UGGT1: variants seen among roughly 807,000 people sequenced by gnomAD.
The protein encoded by UGGT1 is UDP-glucose glycoprotein glucosyltransferase 1, also known as UDP-glucose:glycoprotein glucosyltransferase 1.
In UGGT1, 107 loss-of-function variants were observed where a neutral mutation model predicts 203.9. That is an observed-to-expected ratio of 0.52 (90% CI 0.45 to 0.62). UGGT1 has a LOEUF of 0.62. Among genes scored for constraint, UGGT1 ranks in the 20% least tolerant of loss-of-function variants. The probability of loss-of-function intolerance (pLI) is 0.00; values close to 1 mark genes in which losing one functional copy is unlikely to be tolerated. For synonymous variants in UGGT1, 628 were observed against 653.5 expected, an observed-to-expected ratio of 0.96 and a Z score of 0.59; for missense variants, 1,673 against 1,867.2, an observed-to-expected ratio of 0.90 and a Z score of 1.92.
At chr2:128,123,935 A>G (rs1185579619) in intron 11 of UGGT1, among the ~76,000 whole-genome samples, 1 of 152,074 alleles carries the variant, frequency 6.6e-6, no homozygotes, top group African/African-American at 2.4e-5. Flanking sequence ...TGAGAAATCA[A>G]CTTTCTACTT....
At chr2:128,111,966 C>G (rs1687877164) in intron 5 of UGGT1, among the ~76,000 whole-genome samples, 1 of 150,422 alleles carries the variant, frequency 6.6e-6, no homozygotes, top group South Asian at 2.1e-4. Flanking sequence ...TGACAAAACC[C>G]ATGTCTACAA....
In UGGT1 at chr2:128,178,582, G is replaced by A. The variant is rs1558824329; in HGVS notation, c.3815+13G>A. 1.3e-6 allele frequency: 2 copies of A among 1,584,780 alleles called. No homozygotes were observed. Among genetic ancestry groups the A allele is most frequent in the Non-Finnish European group, 1.7e-6 (2 of 1,166,668 alleles). On this transcript the variant is annotated intron_variant, in intron 34 of 40. Transcript: ENST00000259253. ...AAAGATTTCTTCGGTCAGTCTTGTT[G>A]ATTATTTCATTATATATGATGAATG...
intron 3 of UGGT1, 34 bp from the exon 4 acceptor site, chr2:128,107,904 C>T (rs182288463): frequency 1.7e-4 from 275 of 1,613,002 alleles, no homozygotes; most frequent in Non-Finnish European, 1.9e-4. Flanking sequence ...TCTAGTCATA[C>T]GCAATTACTT....
At chr2:128,108,125 T>G in intron 4 of UGGT1, 57 bp downstream of exon 4, 1 of 1,581,340 alleles carries the variant, frequency 6.3e-7, no homozygotes, top group Non-Finnish European at 8.6e-7. Context: ...GATGAATGGA[T>G]GGACCCCAGT....
chr2:128,169,746 C>T (rs1015574193), intron 26 of UGGT1, among the ~76,000 whole-genome samples: 2 of 152,176 alleles, frequency 1.3e-5, no homozygotes, highest in South Asian at 4.1e-4. Context: ...AATCTTTATG[C>T]TACAGTAGTG....
chr2:128,100,730 A>G (rs1406333947), intron 2 of UGGT1, among the ~76,000 whole-genome samples: 2 of 152,102 alleles, frequency 1.3e-5, no homozygotes, highest in Non-Finnish European at 2.9e-5. Context: ...CCTCTGTTTA[A>G]CATTCTTACC....
Position 128,153,990 on chromosome 2 carries a change from G to A in UGGT1, c.2137+1086G>A, listed in dbSNP as rs180670702. Among the ~76,000 whole-genome samples, 98 of 151,978 alleles carry A rather than the reference G, an allele frequency of 6.4e-4. 1 individual carries two copies. The highest frequency in any genetic ancestry group is 1.4e-3 in the Admixed American group (21 of 15,258). The stretch of plus-strand genomic sequence containing the variant: ...TATCAATCTATTTATGGTTGTTAAC[G>A]TAATGCACTATCTCTAATAGACTTG... On this transcript the variant is annotated intron_variant, in intron 19 of 40. Coordinates refer to ENST00000259253, the MANE Select transcript of UGGT1 (RefSeq NM_020120.4).
At chr2:128,123,144 C>T in intron 10 of UGGT1, 42 bp from the exon 11 acceptor site, 1 of 1,485,398 alleles carries the variant, frequency 6.7e-7, no homozygotes, top group Non-Finnish European at 9.2e-7. Flanking sequence ...GACTTTATAT[C>T]AAATATTAAG....
intron 38 of UGGT1, among the ~76,000 whole-genome samples, chr2:128,185,469 C>CTTTTTT (rs766681891): frequency 3.5e-5 from 4 of 113,398 alleles, no homozygotes; most frequent in African/African-American, 4.3e-5. Flanking sequence ...CGTGCCCGGC[C>CTTTTTT]TTTTTTTTTT....
At chr2:128,182,765 C>T (rs562494357) in intron 37 of UGGT1, among the ~76,000 whole-genome samples, 6 of 151,384 alleles carry the variant, frequency 4.0e-5, no homozygotes, top group South Asian at 2.1e-4. Flanking sequence ...CTACTCAGTT[C>T]CTGTTCTCAC....
chr2:128,122,140 A>G (rs1345584960), intron 10 of UGGT1, among the ~76,000 whole-genome samples: 2 of 152,016 alleles, frequency 1.3e-5, no homozygotes, highest in African/African-American at 4.8e-5. Context: ...GGCCTGGCTA[A>G]TTTTTGTATT....
intron 12 of UGGT1, among the ~76,000 whole-genome samples, chr2:128,127,702 T>C (rs1688669290): frequency 6.6e-6 from 1 of 152,172 alleles, no homozygotes; most frequent in Admixed American, 6.5e-5. Context: ...AAGCTATACT[T>C]TTCCACTTAA....
chr2:128,185,972 A>G (rs1573638004), intron 38 of UGGT1, among the ~76,000 whole-genome samples: 1 of 152,094 alleles, frequency 6.6e-6, no homozygotes, highest in African/African-American at 2.4e-5. Context: ...TCTATTTGGG[A>G]GCAAGTCTCA....
chr2:128,185,523 G>A (rs1691933709), intron 38 of UGGT1, among the ~76,000 whole-genome samples: 1 of 147,778 alleles, frequency 6.8e-6, no homozygotes, highest in African/African-American at 2.5e-5. Flanking sequence ...ACCCAGGCTG[G>A]AGTGCAGTGA....
At chr2:128,171,971 C>T (rs1161785385) in intron 28 of UGGT1, among the ~76,000 whole-genome samples, 1 of 152,204 alleles carries the variant, frequency 6.6e-6, no homozygotes, top group Non-Finnish European at 1.5e-5. Context: ...AAATTTCTAA[C>T]TTGCCAGTGT....
Position 128,105,726 on chromosome 2 carries a change from G to A in UGGT1, c.277+1712G>A, listed in dbSNP as rs138072319. ...GACGGGGTTTCGCCATGCTGGCCACGCTGGTCTCAAACTCCTGACCTCAGG... is the reference window on the plus strand; with the variant it reads ...GACGGGGTTTCGCCATGCTGGCCACACTGGTCTCAAACTCCTGACCTCAGG... On this transcript the variant is annotated intron_variant, in intron 3 of 40. Coordinates refer to ENST00000259253, the MANE Select transcript of UGGT1 (RefSeq NM_020120.4). Among the ~76,000 whole-genome samples the A allele has an allele frequency of 5.5e-3, 838 of 152,086 alleles. 8 individuals carry two copies. The highest frequency in any genetic ancestry group is 0.019 in the African/African-American group (794 of 41,486).
rs1384502169 is a variant in UGGT1, at chr2:128,192,478, TTATTTA to T, written c.*2740_*2745del. The T allele has an allele frequency of 6.6e-6, 1 of 152,240 alleles. No individual in the cohort carries two copies. Among genetic ancestry groups the T allele is most frequent in the African/African-American group, 2.4e-5 (1 of 41,464 alleles). The allele number at this position is 152,240 out of a possible 1,614,324, so 9.4% of individuals were successfully genotyped here. A position where few individuals can be genotyped will look rare whatever the true frequency, so the allele number is the denominator to read the frequency against. ...GTTCACAGTATGTTGTTCTTAGCTG[TTATTTA>T]TATAAAGTGAATTATTTTCTCTCTC... is the stretch of plus-strand genomic sequence containing the variant. On this transcript the variant is annotated 3_prime_UTR_variant, in exon 41 of 41. Coordinates refer to ENST00000259253, the MANE Select transcript of UGGT1 (RefSeq NM_020120.4).
chr2:128,140,791 C>T (rs1689382852), intron 16 of UGGT1, among the ~76,000 whole-genome samples: 2 of 152,254 alleles, frequency 1.3e-5, no homozygotes, highest in South Asian at 2.1e-4. Context: ...ATCCTCCTGC[C>T]TCAGCTTCCT....
At chr2:128,128,510 C>G (rs1285053978) in intron 12 of UGGT1, among the ~76,000 whole-genome samples, 1 of 152,016 alleles carries the variant, frequency 6.6e-6, no homozygotes, top group African/African-American at 2.4e-5. Context: ...GATGGGGTTT[C>G]ACCATGTTGG....
Sources: allele counts gnomAD v4.1 joint callset (sites outside exome capture counted in the v4.1 genomes callset), GRCh38; gene constraint gnomAD v4.1.1; transcripts MANE v1.5; gene names NCBI Gene and HGNC (gene_info 2026-07-23, HGNC 2026-07-21).